The following TRIM37 variants were observed in gnomAD, a reference collection of about 807,000 sequenced individuals.
The protein encoded by TRIM37 is E3 ubiquitin-protein ligase TRIM37.
TRIM37 carries 80 observed loss-of-function variants against 129.8 expected under a neutral mutation model. The ratio of observed to expected loss-of-function variants is 0.62; its 90% CI spans 0.51 to 0.74. TRIM37 has a LOEUF of 0.74. Ranked by LOEUF, TRIM37 falls within the 30% of genes least tolerant of loss-of-function variation. The pLI is 0.00. For missense variants in TRIM37, 1,054 were observed against 1,176.5 expected (o/e 0.90, Z 1.52); for synonymous variants, 389 against 387.1 (o/e 1.00, Z -0.06).
At position 59,063,886 on chromosome 17, in the gene TRIM37, G is replaced by A. The variant is rs2041710816; in HGVS notation, c.860+469C>T. 2.0e-5 allele frequency among the ~76,000 whole-genome samples: 3 copies of A among 152,194 alleles called. No homozygotes were observed. In the South Asian group the frequency reaches 6.2e-4, roughly 31 times the overall value. On this transcript the variant is annotated intron_variant, in intron 10 of 23. Coordinates refer to ENST00000262294, the MANE Select transcript of TRIM37 (RefSeq NM_015294.6). ...TCCTCACTTTGGGCAGGGCACCGTG[G>A]CTAATGCCTATAATTCCAGCACTTT... is the stretch of plus-strand genomic sequence containing the variant.
At chr17:59,014,591 A>C (rs2035676789) in intron 21 of TRIM37, among the ~76,000 whole-genome samples, 1 of 152,104 alleles carries the variant, frequency 6.6e-6, no homozygotes, top group South Asian at 2.1e-4. Context: ...GAAAGATGAG[A>C]TAAAAGCAGA....
intron 16 of TRIM37, among the ~76,000 whole-genome samples, chr17:59,042,431 TAAAA>T (rs71145517): frequency 1.3e-4 from 10 of 76,672 alleles, no homozygotes; most frequent in African/African-American, 3.4e-4. Flanking sequence ...AAAAGGAATT[TAAAA>T]AAAAAAAAAA....
intron 11 of TRIM37, 147 bp downstream of exon 11, chr17:59,062,420 G>A (rs1004473321): frequency 1.5e-6 from 1 of 685,666 alleles, no homozygotes; most frequent in Admixed American, 2.4e-5. Context: ...TGTCTAATAT[G>A]GGGGAAGAAG....
chr17:59,004,958 A>G (rs1485612748), intron 22 of TRIM37, among the ~76,000 whole-genome samples: 1 of 152,248 alleles, frequency 6.6e-6, no homozygotes, highest in African/African-American at 2.4e-5. Context: ...CTGTTCTAAA[A>G]GAGTGAAGAG....
At chr17:59,037,332 GCAGATCACAAGAT>G (rs2038636191) in intron 17 of TRIM37, among the ~76,000 whole-genome samples, 1 of 151,806 alleles carries the variant, frequency 6.6e-6, no homozygotes, top group African/African-American at 2.4e-5. Flanking sequence ...GCCAAGGAGG[GCAGATCACAAGAT>G]CAGGAGATCG....
chr17:59,018,556 G>A (rs2036214812), intron 19 of TRIM37, among the ~76,000 whole-genome samples: 1 of 152,156 alleles, frequency 6.6e-6, no homozygotes, highest in South Asian at 2.1e-4. Context: ...AAAGAAATGT[G>A]AGACTTGTCC....
chr17:59,030,039 TC>T (rs2145564364), intron 18 of TRIM37, among the ~76,000 whole-genome samples: 1 of 152,282 alleles, frequency 6.6e-6, no homozygotes, highest in Non-Finnish European at 1.5e-5. Flanking sequence ...TTCTTAAAAC[TC>T]CTTTGCAATC....
At chr17:59,036,447 G>GGTGTGTGTGTGT (rs10625636) in intron 17 of TRIM37, among the ~76,000 whole-genome samples, 39 of 140,676 alleles carry the variant, frequency 2.8e-4, no homozygotes, top group African/African-American at 5.8e-4. Flanking sequence ...ATTTGCTGGG[G>GGTGTGTGTGTGT]GTGTGTGTGT....
At chr17:58,969,023 T>C in the TRIM37 span, among the ~76,000 whole-genome samples, 8 of 152,358 alleles carry the variant, frequency 5.3e-5, no homozygotes, top group Admixed American at 5.2e-4. Flanking sequence ...TTTAGAAGTA[T>C]GTTTATGCTT....
At chr17:59,017,553 A>C in intron 19 of TRIM37, 129 bp from the exon 20 acceptor site, 1 of 1,258,254 alleles carries the variant, frequency 7.9e-7, no homozygotes, top group Non-Finnish European at 1.1e-6. Flanking sequence ...AAAATAAACA[A>C]CATTCTGTAG....
intron 4 of TRIM37, among the ~76,000 whole-genome samples, chr17:59,084,524 T>C (rs1401703289): frequency 2.0e-5 from 3 of 152,192 alleles, no homozygotes; most frequent in Non-Finnish European, 2.9e-5. Flanking sequence ...AACTGCACGA[T>C]TTAATACTAG....
At chr17:59,051,736 T>TC in intron 13 of TRIM37, among the ~76,000 whole-genome samples, 1 of 149,976 alleles carries the variant, frequency 6.7e-6, no homozygotes, top group East Asian at 1.9e-4. Context: ...AATACAAAGT[T>TC]TTTTTTTTTT....
chr17:59,068,647 T>C (rs1404692574), intron 9 of TRIM37, among the ~76,000 whole-genome samples: 3 of 152,176 alleles, frequency 2.0e-5, no homozygotes, highest in Admixed American at 2.0e-4. Context: ...CATTCAGAAA[T>C]GAGATTTAAA....
rs573708217 is a variant in TRIM37, at chr17:59,055,665, G to A, written c.1199+1210C>T. Among the ~76,000 whole-genome samples the A allele has an allele frequency of 5.6e-5, 7 of 125,616 alleles. No individual in the cohort carries two copies. In the Admixed American group the frequency reaches 6.1e-4, roughly 11 times the overall value. 82.4% of individuals were successfully genotyped at this position (125,616 alleles called of 152,430 possible). A position where few individuals can be genotyped will look rare whatever the true frequency, so the allele number is the denominator to read the frequency against. ...GTGAGCCGATATGTCGCCTCTGGGC[G>A]ACAGAGGGAGACTCCATCTCAAAAA... is the stretch of plus-strand genomic sequence containing the variant. On this transcript the variant is annotated intron_variant, in intron 13 of 23. Coordinates refer to ENST00000262294, the MANE Select transcript of TRIM37 (RefSeq NM_015294.6).
chr17:58,993,106 A>G (rs1204365253), intron 24 of TRIM37, among the ~76,000 whole-genome samples: 2 of 152,148 alleles, frequency 1.3e-5, no homozygotes, highest in Non-Finnish European at 2.9e-5. Flanking sequence ...AATAAGCCTC[A>G]TGAGATCTGA....
At chr17:59,069,862 C>CTT (rs1391920684) in intron 9 of TRIM37, among the ~76,000 whole-genome samples, 2 of 152,150 alleles carry the variant, frequency 1.3e-5, no homozygotes, top group African/African-American at 4.8e-5. Flanking sequence ...TCTCTCCAAG[C>CTT]AAGAACAGAG....
At chr17:59,016,835 T>C (rs2145123714) in intron 20 of TRIM37, among the ~76,000 whole-genome samples, 1 of 152,070 alleles carries the variant, frequency 6.6e-6, no homozygotes, top group Admixed American at 6.6e-5. Context: ...TTAGAATACA[T>C]AGTCTAATGG....
Position 59,070,867 on chromosome 17 carries a change from G to T in TRIM37, c.765C>A (p.Pro255=). ...LMMFQQVHRK[P]MASFVTTPVP... ...CAGGAGTGGTAACAAAAGATGCCAT[G>T]GGCTTCCGATGAACTTGCTGAAACA... Residue 255 remains proline, a synonymous_variant, in exon 9 of 24, where the codon CCC becomes CCA. Transcript: ENST00000262294. 1 of 1,614,018 alleles carries T rather than the reference G, an allele frequency of 6.2e-7. No homozygotes were observed. The highest frequency in any genetic ancestry group is 2.2e-5 in the East Asian group (1 of 44,870).
intron 19 of TRIM37, among the ~76,000 whole-genome samples, chr17:59,025,112 A>G (rs1434041798): frequency 2.0e-5 from 3 of 152,196 alleles, no homozygotes; most frequent in African/African-American, 7.2e-5. Context: ...AAACAGAACC[A>G]TGTTTGGGAA....
Sources: allele counts gnomAD v4.1 joint callset (sites outside exome capture counted in the v4.1 genomes callset), GRCh38; gene constraint gnomAD v4.1.1; transcripts MANE v1.5; gene names NCBI Gene and HGNC (gene_info 2026-07-23, HGNC 2026-07-21).